Variants in TBC1D22A observed in about 807,000 individuals in gnomAD.
TBC1D22A encodes putative GTPase activator.
TBC1D22A carries 38 observed loss-of-function variants against 60.2 expected under a neutral mutation model. The ratio of observed to expected loss-of-function variants is 0.63; its 90% CI spans 0.49 to 0.83. TBC1D22A has a LOEUF of 0.83. Ranked by LOEUF, TBC1D22A falls within the 40% of genes least tolerant of loss-of-function variation. TBC1D22A has a pLI of 0.00. For missense variants in TBC1D22A, 628 were observed against 701.0 expected (o/e 0.90, Z 1.18); for synonymous variants, 302 against 281.7 (o/e 1.07, Z -0.72).
Position 46,978,943 on chromosome 22 carries a change from G to T in TBC1D22A, c.1125+4544G>T, listed in dbSNP as rs2074409191. On this transcript the variant is annotated intron_variant, in intron 9 of 12. Transcript: ENST00000337137. ...TTTAATAGCCTTTTCAGGTAATTTT[G>T]GATTCTTTTTTCATTCATACTATAC... Among the ~76,000 whole-genome samples the T allele has an allele frequency of 2.6e-5, 4 of 152,208 alleles. No individual in the cohort carries two copies. In the South Asian group the frequency reaches 8.3e-4, roughly 32 times the overall value.
At chr22:47,076,335 G>C (rs1381588204) in intron 11 of TBC1D22A, among the ~76,000 whole-genome samples, 1 of 136,876 alleles carries the variant, frequency 7.3e-6, no homozygotes, top group African/African-American at 2.7e-5. Context: ...ATATGTGTGT[G>C]TGTGTGTATA....
chr22:47,089,317 T>C (rs903624785), intron 11 of TBC1D22A, among the ~76,000 whole-genome samples: 1 of 152,230 alleles, frequency 6.6e-6, no homozygotes, highest in Non-Finnish European at 1.5e-5. Flanking sequence ...GGATTTGCTT[T>C]AGAATAACCT....
intron 8 of TBC1D22A, among the ~76,000 whole-genome samples, chr22:46,921,028 C>T (rs1414309964): frequency 6.6e-6 from 1 of 152,116 alleles, no homozygotes; most frequent in African/African-American, 2.4e-5. Flanking sequence ...ACCTCGGCCT[C>T]CCAAAGTGCT....
intron 8 of TBC1D22A, among the ~76,000 whole-genome samples, chr22:46,938,345 A>G (rs545302393): frequency 2.0e-5 from 3 of 152,276 alleles, no homozygotes; most frequent in South Asian, 4.2e-4. Context: ...GTGGCCCAGG[A>G]GCAACAGGCT....
intron 9 of TBC1D22A, among the ~76,000 whole-genome samples, chr22:46,975,260 C>T (rs755282804): frequency 2.0e-5 from 3 of 152,032 alleles, no homozygotes; most frequent in Non-Finnish European, 4.4e-5. Flanking sequence ...GAAGCTCACT[C>T]GGGGTGGAGG....
intron 8 of TBC1D22A, among the ~76,000 whole-genome samples, chr22:46,954,336 A>AT (rs1443116004): frequency 1.3e-5 from 2 of 152,236 alleles, no homozygotes; most frequent in African/African-American, 4.8e-5. Flanking sequence ...TGATGCGTGT[A>AT]TGTGAGTACT....
chr22:47,097,690 T>G (rs1428396870), intron 11 of TBC1D22A, among the ~76,000 whole-genome samples: 4 of 152,226 alleles, frequency 2.6e-5, no homozygotes, highest in African/African-American at 9.6e-5. Flanking sequence ...TTTTCCATTT[T>G]GAATCTTTTT....
chr22:46,874,884 T>A (rs947414954), intron 4 of TBC1D22A, among the ~76,000 whole-genome samples: 1 of 152,138 alleles, frequency 6.6e-6, no homozygotes, highest in Non-Finnish European at 1.5e-5. Context: ...TTTTGAAAAG[T>A]GTCTGTTCAT....
At chr22:46,797,246 A>G (rs743144) in intron 3 of TBC1D22A, among the ~76,000 whole-genome samples, 198 bp from the exon 4 acceptor site, 1 of 152,196 alleles carries the variant, frequency 6.6e-6, no homozygotes, top group Non-Finnish European at 1.5e-5. Flanking sequence ...TTGTTGGTGA[A>G]TAATACTCTG....
At chr22:46,954,851 A>G (rs1272965462) in intron 8 of TBC1D22A, among the ~76,000 whole-genome samples, 1 of 152,216 alleles carries the variant, frequency 6.6e-6, no homozygotes, top group Non-Finnish European at 1.5e-5. Context: ...ATTGAATCCC[A>G]GGAAAGGATA....
chr22:47,017,941 G>T (rs753280487), intron 10 of TBC1D22A, among the ~76,000 whole-genome samples: 1 of 152,190 alleles, frequency 6.6e-6, no homozygotes, highest in Admixed American at 6.5e-5. Context: ...CCTTTAATAC[G>T]TTCCATTCCT....
At chr22:47,005,596 C>T (rs184114171) in intron 10 of TBC1D22A, among the ~76,000 whole-genome samples, 2 of 141,198 alleles carry the variant, frequency 1.4e-5, no homozygotes, top group East Asian at 4.0e-4. Context: ...TATACACACA[C>T]ACACCTCTGT....
chr22:46,793,907 A>C (rs2084537968), intron 3 of TBC1D22A, 66 bp downstream of exon 3: 3 of 1,407,108 alleles, frequency 2.1e-6, no homozygotes, highest in East Asian at 2.5e-5. Context: ...GCCAGAACAC[A>C]CTCACTGTGG....
rs1257005925 is a variant in TBC1D22A at position 46,793,804 on chromosome 22, G to A, written c.423G>A (p.Val141=). 3 of 1,595,844 alleles carry A rather than the reference G, an allele frequency of 1.9e-6. No individual in the cohort carries two copies. In the Admixed American group the frequency reaches 5.3e-5, roughly 28 times the overall value. ...CCCCCAGCGGCGACCTCCGGCTGGTGAAGTCGGTCAGTGAGAGCCACACGT... is the reference window on the plus strand; with the variant it reads ...CCCCCAGCGGCGACCTCCGGCTGGTAAAGTCGGTCAGTGAGAGCCACACGT... ...PSPPSGDLRL[V]KSVSESHTSC... is the part of the protein sequence containing the mutation. Residue 141 remains valine (V), a synonymous_variant, in exon 3 of 13, where the codon GTG becomes GTA. Coordinates refer to ENST00000337137, the MANE Select transcript of TBC1D22A (RefSeq NM_014346.5).
At chr22:46,797,710 T>G in intron 4 of TBC1D22A, 90 bp downstream of exon 4, 3 of 1,342,316 alleles carry the variant, frequency 2.2e-6, no homozygotes, top group South Asian at 3.2e-5. Flanking sequence ...TGTATGCTTA[T>G]GTAATGCACA....
At chr22:46,791,138 C>T (rs1190051634) in intron 1 of TBC1D22A, among the ~76,000 whole-genome samples, 1 of 152,146 alleles carries the variant, frequency 6.6e-6, no homozygotes, top group African/African-American at 2.4e-5. Flanking sequence ...GCAACCTCAG[C>T]CTCCCAAGTA....
intron 11 of TBC1D22A, among the ~76,000 whole-genome samples, chr22:47,057,008 C>T (rs1373687269): frequency 1.3e-5 from 2 of 152,344 alleles, no homozygotes; most frequent in East Asian, 3.9e-4. Flanking sequence ...CTAGGCCCAG[C>T]CACTCAGGAG....
rs1157899125 is a variant in TBC1D22A, at chr22:46,793,631, A to G, written c.250A>G (p.Met84Val). 6.2e-6 allele frequency: 10 copies of G among 1,613,690 alleles called. No homozygotes were observed. The highest frequency in any genetic ancestry group is 4.5e-5 in the East Asian group (2 of 44,884). Residue 84 changes from methionine to valine, a missense_variant, in exon 3 of 13, where the codon ATG (methionine) becomes GTG (valine). Coordinates refer to ENST00000337137, the MANE Select transcript of TBC1D22A (RefSeq NM_014346.5). ...AGEDDDELLAMAAESLNSEVV... is the reference protein window; with the variant it reads ...AGEDDDELLAVAAESLNSEVV... Reference sequence around the variant, plus strand: ...GGAGGACGACGATGAGCTCCTGGCCATGGCGGCGGAGAGCCTGAACTCCGA... The same window carrying G: ...GGAGGACGACGATGAGCTCCTGGCCGTGGCGGCGGAGAGCCTGAACTCCGA...
chr22:46,935,858 G>A (rs541534433), intron 8 of TBC1D22A, among the ~76,000 whole-genome samples: 4 of 146,722 alleles, frequency 2.7e-5, no homozygotes, highest in South Asian at 4.4e-4. Context: ...CTCTGACCCC[G>A]TGTCTCTGTA....
Sources: gnomAD v4.1 joint callset for allele counts (sites outside exome capture counted in the v4.1 genomes callset) on GRCh38, gnomAD v4.1.1 for gene constraint, MANE v1.5 for transcripts, NCBI Gene and HGNC (gene_info 2026-07-23, HGNC 2026-07-21) for gene names.